The following TAFA1 variants were observed in gnomAD, a reference collection of about 807,000 sequenced individuals.
The protein encoded by TAFA1 is chemokine-like protein TAFA-1.
In TAFA1, 4 loss-of-function variants were observed where a neutral mutation model predicts 18.5. The observed-to-expected ratio is 0.22, with a 90% CI of 0.11 to 0.49. TAFA1 has a LOEUF of 0.49. Ranked by LOEUF, TAFA1 falls within the 20% of genes least tolerant of loss-of-function variation. The pLI is 0.98. For synonymous variants in TAFA1, 56 were observed against 55.2 expected (o/e 1.01, Z -0.06); for missense variants, 147 against 169.0 (o/e 0.87, Z 0.72).
intron 3 of TAFA1, among the ~76,000 whole-genome samples, chr3:68,488,674 T>G (rs1238230788): frequency 6.6e-6 from 1 of 152,212 alleles, no homozygotes; most frequent in African/African-American, 2.4e-5. Flanking sequence ...CACAGGGTTT[T>G]GTAAATATTA....
chr3:68,396,024 C>G (rs1282977637), intron 2 of TAFA1, among the ~76,000 whole-genome samples: 1 of 152,032 alleles, frequency 6.6e-6, no homozygotes, highest in Admixed American at 6.6e-5. Flanking sequence ...CCTTCACCAA[C>G]TTTGATATTA....
At chr3:68,068,483 A>G (rs1356561991) in intron 2 of TAFA1, among the ~76,000 whole-genome samples, 1 of 152,186 alleles carries the variant, frequency 6.6e-6, no homozygotes, top group Non-Finnish European at 1.5e-5. Flanking sequence ...AAGCTTTTAA[A>G]TCTTTAATCA....
chr3:68,230,794 T>C (rs1402492020), intron 2 of TAFA1, among the ~76,000 whole-genome samples: 1 of 152,196 alleles, frequency 6.6e-6, no homozygotes, highest in Non-Finnish European at 1.5e-5. Context: ...TTATTTATTG[T>C]CTTTTTGATA....
chr3:68,413,341 T>G (rs984900695), intron 2 of TAFA1, among the ~76,000 whole-genome samples: 2 of 152,126 alleles, frequency 1.3e-5, no homozygotes, highest in African/African-American at 2.4e-5. Flanking sequence ...CATGGGCAAG[T>G]TTCTAAGTCA....
intron 2 of TAFA1, among the ~76,000 whole-genome samples, chr3:68,113,536 A>C (rs1409134899): frequency 6.6e-6 from 1 of 152,238 alleles, no homozygotes; most frequent in African/African-American, 2.4e-5. Context: ...TTATTCATTA[A>C]TGTTAATATC....
intron 2 of TAFA1, among the ~76,000 whole-genome samples, chr3:68,387,161 A>T (rs962468464): frequency 6.6e-6 from 1 of 152,008 alleles, no homozygotes; most frequent in African/African-American, 2.4e-5. Context: ...AGCTTCAAAA[A>T]TCTGTCTTTG....
At chr3:68,343,244 T>G (rs1236864747) in intron 2 of TAFA1, among the ~76,000 whole-genome samples, 2 of 152,210 alleles carry the variant, frequency 1.3e-5, no homozygotes, top group Non-Finnish European at 2.9e-5. Flanking sequence ...GTATAAGTCT[T>G]CAGACCACCC....
At chr3:68,170,041 C>A (rs574086043) in intron 2 of TAFA1, among the ~76,000 whole-genome samples, 8 of 152,246 alleles carry the variant, frequency 5.3e-5, no homozygotes, top group African/African-American at 1.7e-4. Context: ...TTCTAGAGCT[C>A]TGGAAATTAA....
At chr3:68,515,668 G>A (rs956551880) in intron 3 of TAFA1, among the ~76,000 whole-genome samples, 1 of 152,198 alleles carries the variant, frequency 6.6e-6, no homozygotes, top group African/African-American at 2.4e-5. Context: ...TCAAAATGTG[G>A]GGTCCATAAA....
chr3:68,060,886 A>G (rs13316279), intron 2 of TAFA1, among the ~76,000 whole-genome samples: 52,181 of 152,106 alleles, frequency 0.34, 9,702 homozygotes, highest in East Asian at 0.49. Context: ...TAATGAAAAT[A>G]TGGATTTGTT....
intron 3 of TAFA1, among the ~76,000 whole-genome samples, chr3:68,463,363 A>T (rs539006186): frequency 9.2e-5 from 14 of 152,308 alleles, no homozygotes; most frequent in African/African-American, 3.1e-4. Context: ...TCATTTCAGA[A>T]CTGATTTAAA....
intron 2 of TAFA1, among the ~76,000 whole-genome samples, chr3:68,167,964 G>A (rs928377019): frequency 6.6e-5 from 10 of 151,986 alleles, no homozygotes; most frequent in African/African-American, 2.4e-4. Flanking sequence ...AAGAATCTGT[G>A]AAGACAACTT....
At chr3:68,216,591 C>G (rs931041808) in intron 2 of TAFA1, among the ~76,000 whole-genome samples, 3 of 152,138 alleles carry the variant, frequency 2.0e-5, no homozygotes, top group Admixed American at 2.0e-4. Context: ...CTTGACATAG[C>G]AGTGAGCACA....
chr3:68,327,036 T>C (rs1047232367), intron 2 of TAFA1, among the ~76,000 whole-genome samples: 2 of 152,274 alleles, frequency 1.3e-5, no homozygotes, highest in East Asian at 1.9e-4. Context: ...GGTGGTTCTT[T>C]CCTGTGCTAT....
At chr3:68,284,598 T>C (rs1357142869) in intron 2 of TAFA1, among the ~76,000 whole-genome samples, 1 of 152,162 alleles carries the variant, frequency 6.6e-6, no homozygotes, top group Non-Finnish European at 1.5e-5. Flanking sequence ...AGAAATGAAC[T>C]GTGCTATGTT....
At chr3:68,210,258 G>A (rs565338005) in intron 2 of TAFA1, among the ~76,000 whole-genome samples, 1 of 152,120 alleles carries the variant, frequency 6.6e-6, no homozygotes, top group East Asian at 2.0e-4. Flanking sequence ...GGAAAACCAA[G>A]CTGTCTGAAG....
intron 2 of TAFA1, among the ~76,000 whole-genome samples, chr3:68,065,728 ATGTG>A (rs71884644): frequency 0.53 from 75,213 of 141,550 alleles, 19,910 homozygotes; most frequent in South Asian, 0.61. Context: ...GTTTGTGTGT[ATGTG>A]TGTGTGTGTA....
At chr3:68,209,262 T>A (rs915681081) in intron 2 of TAFA1, among the ~76,000 whole-genome samples, 1 of 152,040 alleles carries the variant, frequency 6.6e-6, no homozygotes, top group Non-Finnish European at 1.5e-5. Flanking sequence ...AGCCTCCTGA[T>A]ACACAGAAAC....
At chr3:68,161,412 A>G (rs1280224414) in intron 2 of TAFA1, among the ~76,000 whole-genome samples, 2 of 152,182 alleles carry the variant, frequency 1.3e-5, no homozygotes, top group South Asian at 2.1e-4. Context: ...CTTGAAAATG[A>G]TAAGAGATGT....
Sources: gnomAD v4.1 joint callset for allele counts (sites outside exome capture counted in the v4.1 genomes callset) on GRCh38, gnomAD v4.1.1 for gene constraint, MANE v1.5 for transcripts, NCBI Gene and HGNC (gene_info 2026-07-23, HGNC 2026-07-21) for gene names.